RGR: variants seen among roughly 807,000 people sequenced by gnomAD.
RGR encodes the protein retinal G protein coupled receptor, also known as RPE-retinal G protein-coupled receptor.
A neutral mutation model predicts 28.6 loss-of-function variants in RGR; 30 were observed. The ratio of observed to expected loss-of-function variants is 1.05; its 90% CI spans 0.78 to 1.42. The LOEUF (loss-of-function observed/expected upper bound fraction) is 1.42, where lower values mean the gene tolerates loss of function less well. Among genes scored for constraint, RGR ranks in the 40% most tolerant of loss-of-function variants. RGR has a pLI of 0.00. For synonymous variants in RGR, 180 were observed against 156.4 expected (o/e 1.15, Z -1.13); for missense variants, 404 against 375.6 (o/e 1.08, Z -0.62).
chr10:84,251,009 C>T, intron 3 of RGR: 1 of 151,634 alleles, frequency 6.6e-6, no homozygotes, highest in Non-Finnish European at 1.5e-5. Context: ...CTGAGGTGGG[C>T]AGATAACTTG....
intron 1 of RGR, among the ~76,000 whole-genome samples, chr10:84,246,601 A>G (rs1842749533): frequency 6.6e-6 from 1 of 152,226 alleles, no homozygotes; most frequent in Admixed American, 6.5e-5. Context: ...ATGTATATAT[A>G]CTACATTTTC....
chr10:84,249,192 A>G, intron 3 of RGR, 149 bp downstream of exon 3: 2 of 1,177,596 alleles, frequency 1.7e-6, no homozygotes, highest in Non-Finnish European at 2.4e-6. Context: ...ATAGGCACTC[A>G]TTTCAGGAAA....
intron 5 of RGR, among the ~76,000 whole-genome samples, chr10:84,255,873 T>G (rs1842878490): frequency 6.6e-6 from 1 of 151,082 alleles, no homozygotes; most frequent in Non-Finnish European, 1.5e-5. Context: ...TATAGGCATG[T>G]GCCACCACAC....
chr10:84,247,420 C>T (rs1336258580), intron 1 of RGR, among the ~76,000 whole-genome samples, 171 bp from the exon 2 acceptor site: 2 of 152,170 alleles, frequency 1.3e-5, no homozygotes, highest in East Asian at 3.9e-4. Context: ...TGCTAAGTGC[C>T]TGGCAGCTGT....
In RGR at chr10:84,247,572, C is replaced by T. The variant is rs749432076; in HGVS notation, c.80-19C>T. 13 of 1,614,004 alleles carry T rather than the reference C, an allele frequency of 8.1e-6. No individual in the cohort carries two copies. Among genetic ancestry groups the T allele is most frequent in the Non-Finnish European group, 1.1e-5 (13 of 1,180,026 alleles). Reference sequence around the variant, plus strand: ...TGGGCCTCAGCAGCCCCAATGCCAGCCCCCACCCTTCCTTTCAGCTCTCTC... The same window carrying T: ...TGGGCCTCAGCAGCCCCAATGCCAGTCCCCACCCTTCCTTTCAGCTCTCTC... On this transcript the variant is annotated intron_variant, in intron 1 of 6. Coordinates refer to ENST00000652092, the MANE Select transcript of RGR (RefSeq NM_001012720.2).
intron 1 of RGR, 104 bp downstream of exon 1, chr10:84,245,273 C>A: frequency 8.7e-7 from 1 of 1,145,040 alleles, no homozygotes; most frequent in East Asian, 2.4e-5. Flanking sequence ...CCAAACCCAG[C>A]TGGGTGTCCG....
In RGR at chr10:84,254,388, C is replaced by T. The variant is rs767225913; in HGVS notation, c.575C>T (p.Thr192Met). 9.9e-6 allele frequency: 16 copies of T among 1,614,068 alleles called. No homozygotes were observed. Among genetic ancestry groups the T allele is most frequent in the South Asian group, 2.2e-5 (2 of 91,080 alleles). ...AACTTCGCCATGCCCCTCTTCATCA[C>T]GATCACTTCCTACAGTCTCATGGAG... ...FFNFAMPLFI[T>M]ITSYSLMEQK... Residue 192 changes from threonine (T) to methionine (M), a missense_variant, in exon 5 of 7, where the codon ACG becomes ATG. Physicochemically the swap from Thr to Met is moderately conservative, Grantham distance 81. Coordinates refer to ENST00000652092, the MANE Select transcript of RGR (RefSeq NM_001012720.2).
Position 84,245,098 on chromosome 10 carries a change from A to G in RGR, c.8A>G (p.Glu3Gly), listed in dbSNP as rs1842730627. Residue 3 changes from glutamate to glycine, a missense_variant, in exon 1 of 7, where the codon GAG (glutamate) becomes GGG (glycine). Glu to Gly is a moderately conservative substitution (Grantham distance 98). Coordinates refer to ENST00000652092, the MANE Select transcript of RGR (RefSeq NM_001012720.2). Reference sequence around the variant, plus strand: ...CAGTGAGGGAGAGTGAGGATGGCAGAGACCAGTGCCCTGCCCACTGGCTTC... The same window carrying G: ...CAGTGAGGGAGAGTGAGGATGGCAGGGACCAGTGCCCTGCCCACTGGCTTC... MA[E>G]TSALPTGFGE... The G allele has an allele frequency of 3.1e-6, 5 of 1,613,536 alleles. No homozygotes were observed. The highest frequency in any genetic ancestry group is 4.2e-6 in the Non-Finnish European group (5 of 1,179,852).
chr10:84,248,653 T>G, intron 2 of RGR: 1 of 577,212 alleles, frequency 1.7e-6, no homozygotes, highest in South Asian at 2.0e-5. Context: ...TGAGCTCTCC[T>G]GTGACAGAGG....
intron 3 of RGR, chr10:84,250,622 C>T: frequency 1.7e-6 from 1 of 604,012 alleles, no homozygotes; most frequent in Non-Finnish European, 3.0e-6. Context: ...TGCCAGAGGC[C>T]TTAGATCAAA....
intron 2 of RGR, 197 bp from the exon 3 acceptor site, chr10:84,248,725 G>A: frequency 3.5e-6 from 3 of 863,664 alleles, no homozygotes; most frequent in Non-Finnish European, 5.5e-6. Context: ...CACCCAGCCT[G>A]GAGAGTGTGC....
At chr10:84,247,116 C>T (rs568256950) in intron 1 of RGR, among the ~76,000 whole-genome samples, 8 of 152,312 alleles carry the variant, frequency 5.3e-5, no homozygotes, top group Admixed American at 2.0e-4. Context: ...TGCCAGAGTA[C>T]GCCCCCTTCA....
At chr10:84,255,748 G>T (rs1842876361) in intron 5 of RGR, among the ~76,000 whole-genome samples, 1 of 124,054 alleles carries the variant, frequency 8.1e-6, no homozygotes, top group Non-Finnish European at 1.6e-5. Context: ...TTTTTAGGCC[G>T]AGTTTCACTC....
At chr10:84,248,701 G>C (rs1452464487) in intron 2 of RGR, 4 of 682,916 alleles carry the variant, frequency 5.9e-6, no homozygotes, top group Admixed American at 4.7e-5. Flanking sequence ...GCCCAACCAT[G>C]GTGCAGTCAA....
intron 6 of RGR, 120 bp from the exon 7 acceptor site, chr10:84,258,388 A>C (rs1276731845): frequency 6.5e-7 from 1 of 1,534,002 alleles, no homozygotes; most frequent in African/African-American, 1.4e-5. Flanking sequence ...GGAAGCCTCC[A>C]AGGCTGCAGA....
intron 1 of RGR, 114 bp downstream of exon 1, chr10:84,245,283 G>A (rs570746544): frequency 3.0e-5 from 30 of 984,206 alleles, no homozygotes; most frequent in East Asian, 5.1e-5. Flanking sequence ...CTGGGTGTCC[G>A]GTCCCATTGG....
At chr10:84,257,353 C>T (rs1376850070) in intron 5 of RGR, among the ~76,000 whole-genome samples, 1 of 152,150 alleles carries the variant, frequency 6.6e-6, no homozygotes, top group Non-Finnish European at 1.5e-5. Flanking sequence ...CTGTGGATGA[C>T]GAGTTGGTTC....
chr10:84,258,471 T>C, intron 6 of RGR, 37 bp from the exon 7 acceptor site: 1 of 1,614,006 alleles, frequency 6.2e-7, no homozygotes, highest in Non-Finnish European at 8.5e-7. Flanking sequence ...GATCAGTGGC[T>C]TTGAAGCTTC....
intron 5 of RGR, among the ~76,000 whole-genome samples, chr10:84,255,816 T>C (rs10887264): frequency 0.48 from 69,999 of 146,456 alleles, 18,552 homozygotes; most frequent in African/African-American, 0.73. Flanking sequence ...CCTCCGCCTC[T>C]GGGGTTCAAG....
Sources: allele counts gnomAD v4.1 joint callset (sites outside exome capture counted in the v4.1 genomes callset), GRCh38; gene constraint gnomAD v4.1.1; transcripts MANE v1.5; gene names NCBI Gene and HGNC (gene_info 2026-07-23, HGNC 2026-07-21).